The following SLC24A2 variants were observed in gnomAD, a reference collection of about 807,000 sequenced individuals.
SLC24A2 encodes sodium/potassium/calcium exchanger 2.
A neutral mutation model predicts 62.0 loss-of-function variants in SLC24A2; 36 were observed. The observed-to-expected ratio is 0.58, with a 90% CI of 0.44 to 0.77. SLC24A2 has a LOEUF of 0.77. SLC24A2 is among the 30% of genes least tolerant of loss of function. The pLI is 0.00. For missense variants in SLC24A2, 846 were observed against 817.9 expected, an observed-to-expected ratio of 1.03 and a Z score of -0.42; for synonymous variants, 358 against 294.0, an observed-to-expected ratio of 1.22 and a Z score of -2.23.
intron 2 of SLC24A2, among the ~76,000 whole-genome samples, chr9:19,771,158 A>T (rs1822675275): frequency 6.6e-6 from 1 of 152,224 alleles, no homozygotes; most frequent in South Asian, 2.1e-4. Flanking sequence ...ACTGCCAATA[A>T]CACTTACTTG....
At chr9:19,690,315 G>T (rs557646114) in intron 2 of SLC24A2, among the ~76,000 whole-genome samples, 1 of 151,992 alleles carries the variant, frequency 6.6e-6, no homozygotes, top group Non-Finnish European at 1.5e-5. Context: ...TCCCACCCTC[G>T]GCTTCACGAG....
the SLC24A2 span, among the ~76,000 whole-genome samples, chr9:20,202,055 GTGT>G: frequency 1.7e-5 from 2 of 117,930 alleles, no homozygotes; most frequent in African/African-American, 1.0e-4. Flanking sequence ...TTCATGGTGT[GTGT>G]GTGTGTGTGT....
chr9:19,789,113 G>A (rs1236416899), upstream of SLC24A2, among the ~76,000 whole-genome samples: 2 of 152,232 alleles, frequency 1.3e-5, no homozygotes, highest in Non-Finnish European at 2.9e-5. Flanking sequence ...GCTGTGCGCT[G>A]TGCGCTGGGA....
chr9:20,058,070 A>T, the SLC24A2 span, among the ~76,000 whole-genome samples: 100 of 152,232 alleles, frequency 6.6e-4, no homozygotes, highest in Admixed American at 9.2e-4. Flanking sequence ...CATTGAACTC[A>T]CTGGTCAGAA....
intron 4 of SLC24A2, among the ~76,000 whole-genome samples, chr9:19,597,982 C>T (rs117508925): frequency 0.027 from 4,041 of 152,220 alleles, 79 homozygotes; most frequent in Non-Finnish European, 0.042. Context: ...TCAGCTCCCC[C>T]TCTGTGTACA....
the SLC24A2 span, among the ~76,000 whole-genome samples, chr9:19,833,176 AT>A: frequency 1.3e-5 from 2 of 152,192 alleles, no homozygotes; most frequent in Non-Finnish European, 2.9e-5. Context: ...TGATTTCTGC[AT>A]TTCCAACTGA....
the SLC24A2 span, among the ~76,000 whole-genome samples, chr9:19,906,303 G>A: frequency 6.6e-6 from 1 of 151,594 alleles, no homozygotes; most frequent in East Asian, 1.9e-4. Flanking sequence ...CAACATACCA[G>A]AATCTCTGGG....
the SLC24A2 span, among the ~76,000 whole-genome samples, chr9:19,864,279 T>C: frequency 6.6e-6 from 1 of 151,760 alleles, no homozygotes; most frequent in East Asian, 1.9e-4. Context: ...CCTAAAACTA[T>C]TCCAAAAAAT....
the SLC24A2 span, among the ~76,000 whole-genome samples, chr9:20,283,228 A>G: frequency 6.6e-6 from 1 of 152,188 alleles, no homozygotes; most frequent in East Asian, 1.9e-4. Flanking sequence ...GGCCATGTGT[A>G]TTTGTCCATT....
At chr9:19,883,861 T>C in the SLC24A2 span, among the ~76,000 whole-genome samples, 1 of 152,178 alleles carries the variant, frequency 6.6e-6, no homozygotes, top group Non-Finnish European at 1.5e-5. Flanking sequence ...CTAAGGCTCC[T>C]CCGACTCTAT....
intron 8 of SLC24A2, among the ~76,000 whole-genome samples, chr9:19,547,888 G>C (rs891749139): frequency 6.6e-6 from 1 of 151,758 alleles, no homozygotes; most frequent in African/African-American, 2.4e-5. Flanking sequence ...AAATGTCAGT[G>C]TGGTGTGAGC....
rs143122332 is a variant in SLC24A2, at chr9:19,745,043, G to A, written c.930+40894C>T. On this transcript the variant is annotated intron_variant, in intron 2 of 10. Coordinates refer to ENST00000341998, the MANE Select transcript of SLC24A2 (RefSeq NM_020344.4). ...GGAGGGGATCCTAGTGGGAGGTGCTGGATCACAGGGACAGATCTCTTATGA... is the reference window on the plus strand; with the variant it reads ...GGAGGGGATCCTAGTGGGAGGTGCTAGATCACAGGGACAGATCTCTTATGA... Among the ~76,000 whole-genome samples, 744 of 152,280 alleles carry A rather than the reference G, an allele frequency of 4.9e-3. 6 individuals are homozygous for A. Among genetic ancestry groups the A allele is most frequent in the Non-Finnish European group, 8.4e-3 (571 of 68,016 alleles).
chr9:19,979,624 A>G, the SLC24A2 span, among the ~76,000 whole-genome samples: 1 of 151,946 alleles, frequency 6.6e-6, no homozygotes, highest in Admixed American at 6.6e-5. Context: ...ATCGATCTCT[A>G]CAAATGGCCT....
At chr9:19,729,381 AGAAAG>A (rs1442531080) in intron 2 of SLC24A2, among the ~76,000 whole-genome samples, 1 of 152,222 alleles carries the variant, frequency 6.6e-6, no homozygotes, top group Non-Finnish European at 1.5e-5. Flanking sequence ...TTTATCCAAA[AGAAAG>A]GAAAGAAGTG....
At chr9:19,714,855 T>C (rs1024284264) in intron 2 of SLC24A2, among the ~76,000 whole-genome samples, 1 of 152,184 alleles carries the variant, frequency 6.6e-6, no homozygotes, top group Admixed American at 6.5e-5. Context: ...CATTAGATCT[T>C]TAGACATGTT....
the SLC24A2 span, among the ~76,000 whole-genome samples, chr9:20,075,833 C>A: frequency 3.3e-5 from 5 of 152,178 alleles, no homozygotes; most frequent in Admixed American, 1.3e-4. Flanking sequence ...TTAATACAGT[C>A]ATCCCTCGGC....
the SLC24A2 span, among the ~76,000 whole-genome samples, chr9:20,275,155 G>C: frequency 6.6e-6 from 1 of 152,190 alleles, no homozygotes; most frequent in Non-Finnish European, 1.5e-5. Flanking sequence ...GTTCTCAGCA[G>C]TGGGGCCTGA....
chr9:20,201,643 T>A, the SLC24A2 span, among the ~76,000 whole-genome samples: 1 of 152,244 alleles, frequency 6.6e-6, no homozygotes, highest in African/African-American at 2.4e-5. Flanking sequence ...CCTGCCTCAT[T>A]CCACAAAGAG....
the SLC24A2 span, among the ~76,000 whole-genome samples, chr9:19,947,885 T>C: frequency 4.0e-5 from 6 of 151,290 alleles, no homozygotes; most frequent in Admixed American, 2.0e-4. Context: ...CTTTGTTGGA[T>C]AGATTTTACA....
Sources: gnomAD v4.1 joint callset for allele counts (sites outside exome capture counted in the v4.1 genomes callset) on GRCh38, gnomAD v4.1.1 for gene constraint, MANE v1.5 for transcripts, NCBI Gene and HGNC (gene_info 2026-07-23, HGNC 2026-07-21) for gene names.